The following WDR55 variants were observed in gnomAD, a reference collection of about 807,000 sequenced individuals.
WDR55 encodes WD repeat domain 55.
Under a neutral mutation model 34.0 loss-of-function variants are expected in WDR55, and 31 were observed. The observed-to-expected ratio is 0.91, with a 90% CI of 0.69 to 1.23. The LOEUF (loss-of-function observed/expected upper bound fraction) is 1.23. WDR55 is among the 50% of genes most tolerant of loss of function. WDR55 has a pLI of 0.00. For missense variants in WDR55, 440 were observed against 494.6 expected, an observed-to-expected ratio of 0.89 and a Z score of 1.05; for synonymous variants, 164 against 185.9, an observed-to-expected ratio of 0.88 and a Z score of 0.96.
chr5:140,666,497 T>C, intron 1 of WDR55: 2 of 385,534 alleles, frequency 5.2e-6, no homozygotes, highest in Non-Finnish European at 7.1e-6. Context: ...TTCCAGGATC[T>C]CTTCCCTCTT....
In WDR55 at chr5:140,671,204, G is replaced by A; in HGVS notation, c.*1550G>A. On this transcript the variant is annotated 3_prime_UTR_variant, in exon 7 of 7. Transcript: ENST00000358337. ...CCCATGCCCCTCCCCACCTTTGGGG[G>A]TCAGAAAGTGGCCACCCAGGCCTGC... 1 of 1,553,402 alleles carries A rather than the reference G, an allele frequency of 6.4e-7. No homozygotes were observed. Among genetic ancestry groups the A allele is most frequent in the Admixed American group, 1.7e-5 (1 of 59,482 alleles).
At position 140,669,904 on chromosome 5, in the gene WDR55, T is replaced by G; in HGVS notation, c.*250T>G. ...CTACCACACCAGGCCAATTTTTGTT[T>G]TTTTTTTTTGGTAGAAACGGGTCTG... On this transcript the variant is annotated 3_prime_UTR_variant, in exon 7 of 7. Transcript: ENST00000358337. 1 of 408,122 alleles carries G rather than the reference T, an allele frequency of 2.5e-6. No individual in the cohort carries two copies. 25.3% of individuals were successfully genotyped at this position (408,122 alleles called of 1,614,324 possible).
rs767938913 is a variant in WDR55 at position 140,665,114 on chromosome 5, G to A, written c.191+11G>A. On this transcript the variant is annotated intron_variant, in intron 1 of 6. Transcript: ENST00000358337. ...CGGGGACGTGTTCGTGTGAGAGCGG[G>A]GCAGGGCCGGGGCGCCGGGTCTGGA... 8 of 1,568,302 alleles carry A rather than the reference G, an allele frequency of 5.1e-6. No homozygotes were observed. In the South Asian group the frequency reaches 5.9e-5, roughly 12 times the overall value.
At position 140,671,559 on chromosome 5, in the gene WDR55, T is replaced by C. The variant is rs1758075351; in HGVS notation, c.*1905T>C. ...AGGAACACAGGGCTGCCCAGCTTCATTCGTTGGCACAGCAACTGCAGGGTA... is the reference window on the plus strand; with the variant it reads ...AGGAACACAGGGCTGCCCAGCTTCACTCGTTGGCACAGCAACTGCAGGGTA... On this transcript the variant is annotated 3_prime_UTR_variant, in exon 7 of 7. Transcript: ENST00000358337. 3 of 1,567,464 alleles carry C rather than the reference T, an allele frequency of 1.9e-6. No homozygotes were observed. Among genetic ancestry groups the C allele is most frequent in the Non-Finnish European group, 2.6e-6 (3 of 1,157,458 alleles).
rs1561987323 is a variant in WDR55, at chr5:140,668,224, C to T, written c.192-10C>T. On this transcript the variant is annotated splice_polypyrimidine_tract_variant and intron_variant, in intron 1 of 6. Transcript: ENST00000358337. ...TCTGGAGTCATTTACCCTCCTTGCC[C>T]TCTCCCCAGCTTTTCCTACTCTTGC... 1.3e-6 allele frequency: 2 copies of T among 1,590,652 alleles called. No homozygotes were observed. The highest frequency in any genetic ancestry group is 8.6e-7 in the Non-Finnish European group (1 of 1,167,584).
rs2149814605 is a variant in WDR55 at position 140,671,043 on chromosome 5, T to C, written c.*1389T>C. Reference sequence around the variant, plus strand: ...GTGGGGGTGGGACAAGGAACGGCCATGGAAGATCACTGGGTCAGGTTGGAC... The same window carrying C: ...GTGGGGGTGGGACAAGGAACGGCCACGGAAGATCACTGGGTCAGGTTGGAC... On this transcript the variant is annotated 3_prime_UTR_variant, in exon 7 of 7. Transcript: ENST00000358337. 1 of 584,038 alleles carries C rather than the reference T, an allele frequency of 1.7e-6. No individual in the cohort carries two copies. The allele number at this position is 584,038 out of a possible 1,614,324, so 36.2% of individuals were successfully genotyped here. A position where few individuals can be genotyped will look rare whatever the true frequency, so the allele number is the denominator to read the frequency against.
Position 140,671,135 on chromosome 5 carries a change from G to T in WDR55, c.*1481G>T. 2.2e-6 allele frequency: 2 copies of T among 908,540 alleles called. No individual in the cohort carries two copies. Among genetic ancestry groups the T allele is most frequent in the South Asian group, 3.2e-5 (2 of 63,324 alleles). The allele number at this position is 908,540 out of a possible 1,614,324, so 56.3% of individuals were successfully genotyped here. A position where few individuals can be genotyped will look rare whatever the true frequency, so the allele number is the denominator to read the frequency against. The stretch of plus-strand genomic sequence containing the variant: ...TAACCCAAACCTAAGCTGCCCCCAG[G>T]TGCCATAGGTCCCTGTCCCAGCAGG... On this transcript the variant is annotated 3_prime_UTR_variant, in exon 7 of 7. Transcript: ENST00000358337.
chr5:140,671,856 T>C lies in WDR55; in HGVS notation c.*2202T>C. 1 of 1,276,682 alleles carries C rather than the reference T, an allele frequency of 7.8e-7. No homozygotes were observed. Among genetic ancestry groups the C allele is most frequent in the Non-Finnish European group, 1.1e-6 (1 of 899,718 alleles). 79.1% of individuals were successfully genotyped at this position (1,276,682 alleles called of 1,614,324 possible). Reference sequence around the variant, plus strand: ...AGTCCTGTTATTTGTAGCCTTCCCATTTCCTGGTAGTGTGACCATGGGTAA... The same window carrying C: ...AGTCCTGTTATTTGTAGCCTTCCCACTTCCTGGTAGTGTGACCATGGGTAA... On this transcript the variant is annotated 3_prime_UTR_variant, in exon 7 of 7. Coordinates refer to ENST00000358337, the MANE Select transcript of WDR55 (RefSeq NM_017706.5).
chr5:140,669,729 A>G lies in WDR55; in HGVS notation c.*75A>G. On this transcript the variant is annotated 3_prime_UTR_variant, in exon 7 of 7. Transcript: ENST00000358337. Reference sequence around the variant, plus strand: ...TTATTGGGCTGCATCCCCAGAGAGGATATGAATTATTTTTTGAAAAGACAG... The same window carrying G: ...TTATTGGGCTGCATCCCCAGAGAGGGTATGAATTATTTTTTGAAAAGACAG... The G allele has an allele frequency of 7.1e-7, 1 of 1,403,382 alleles. No homozygotes were observed. Among genetic ancestry groups the G allele is most frequent in the Non-Finnish European group, 9.6e-7 (1 of 1,039,414 alleles). 86.9% of individuals were successfully genotyped at this position (1,403,382 alleles called of 1,614,324 possible).
intron 1 of WDR55, among the ~76,000 whole-genome samples, chr5:140,665,768 G>A (rs991553687): frequency 6.6e-6 from 1 of 151,942 alleles, no homozygotes; most frequent in Non-Finnish European, 1.5e-5. Context: ...TTGGGAGGCC[G>A]AGGTGGGCGG....
Position 140,665,060 on chromosome 5 carries a change from C to T in WDR55, c.148C>T (p.Arg50Cys), listed in dbSNP as rs34342435. 5,477 of 1,611,900 alleles carry T rather than the reference C, an allele frequency of 3.4e-3. 162 individuals carry two copies. In the African/African-American group the frequency reaches 0.064, roughly 19 times the overall value. The change falls in exon 1 of 7, where the codon CGT (arginine) becomes TGT (cysteine). Residue 50 changes from arginine to cysteine, a missense_variant. Arg to Cys is a radical substitution (Grantham distance 180, BLOSUM62 -3). Coordinates refer to ENST00000358337, the MANE Select transcript of WDR55 (RefSeq NM_017706.5). Reference sequence around the variant, plus strand: ...TAGTGGGCTGGCGTTCCATCCGGCCCGTGACCTACTGGCTGCAGGGGACGT... The same window carrying T: ...TAGTGGGCTGGCGTTCCATCCGGCCTGTGACCTACTGGCTGCAGGGGACGT... ...PASGLAFHPA[R>C]DLLAAGDVDG...
intron 1 of WDR55, chr5:140,666,722 TTGC>T: frequency 2.0e-6 from 2 of 985,428 alleles, no homozygotes; most frequent in Non-Finnish European, 2.4e-6. Flanking sequence ...TGTGATACAA[TTGC>T]TGATTTTATT....
intron 1 of WDR55, 45 bp downstream of exon 1, chr5:140,665,148 G>T: frequency 6.6e-7 from 1 of 1,520,364 alleles, no homozygotes; most frequent in African/African-American, 1.4e-5. Context: ...GAAGCTTCCC[G>T]GGGGTGGACC....
intron 1 of WDR55, among the ~76,000 whole-genome samples, chr5:140,665,816 CA>C (rs1757908696): frequency 6.6e-6 from 1 of 151,962 alleles, no homozygotes; most frequent in Admixed American, 6.6e-5. Context: ...GCCTGTTCAA[CA>C]TGGTGAAACC....
chr5:140,671,222 A>C lies in WDR55; in HGVS notation c.*1568A>C. The C allele has an allele frequency of 1.2e-6, 2 of 1,600,814 alleles. No individual in the cohort carries two copies. Among genetic ancestry groups the C allele is most frequent in the Non-Finnish European group, 1.7e-6 (2 of 1,170,624 alleles). On this transcript the variant is annotated 3_prime_UTR_variant, in exon 7 of 7. Coordinates refer to ENST00000358337, the MANE Select transcript of WDR55 (RefSeq NM_017706.5). ...TTTGGGGGTCAGAAAGTGGCCACCCAGGCCTGCTGGGATGGGGCCTGACAC... is the reference window on the plus strand; with the variant it reads ...TTTGGGGGTCAGAAAGTGGCCACCCCGGCCTGCTGGGATGGGGCCTGACAC...
intron 1 of WDR55, among the ~76,000 whole-genome samples, chr5:140,666,088 A>G (rs866181304): frequency 1.3e-5 from 2 of 151,610 alleles, no homozygotes; most frequent in African/African-American, 4.9e-5. Flanking sequence ...GTGCTCATTC[A>G]TCCATACCTT....
Position 140,669,233 on chromosome 5 carries a change from C to A in WDR55, c.815C>A (p.Thr272Asn). Residue 272 changes from threonine (T) to asparagine (N), a missense_variant, in exon 6 of 7, where the codon ACT (threonine) becomes AAT (asparagine). Physicochemically the swap from Thr to Asn is moderately conservative, Grantham distance 65 (BLOSUM62 0). Transcript: ENST00000358337. ...VTESLLCTGS[T>N]DGVIRAVNIL... The stretch of plus-strand genomic sequence containing the variant: ...GAGAGTCTGCTGTGTACTGGCTCCA[C>A]TGATGGAGTCATCAGGTGAGGGAAG... The A allele has an allele frequency of 2.5e-6, 4 of 1,613,648 alleles. No individual in the cohort carries two copies. The highest frequency in any genetic ancestry group is 3.4e-6 in the Non-Finnish European group (4 of 1,180,012).
In WDR55 at chr5:140,671,528, T is replaced by G; in HGVS notation, c.*1874T>G. ...GCCAGCAGGTCCTATGCCCAAACAC[T>G]TGGTGAGGAACACAGGGCTGCCCAG... On this transcript the variant is annotated 3_prime_UTR_variant, in exon 7 of 7. Coordinates refer to ENST00000358337, the MANE Select transcript of WDR55 (RefSeq NM_017706.5). 1.3e-6 allele frequency: 2 copies of G among 1,576,032 alleles called. No individual in the cohort carries two copies. The highest frequency in any genetic ancestry group is 1.7e-6 in the Non-Finnish European group (2 of 1,162,624).
Position 140,671,824 on chromosome 5 carries a change from GCTACACAGTCCT to G in WDR55, c.*2171_*2182del. ...GCCTCCAGGTGGTGAGCCCTTTGGA[GCTACACAGTCCT>G]GTTATTTGTAGCCTTCCCATTTCCT... On this transcript the variant is annotated 3_prime_UTR_variant, in exon 7 of 7. Transcript: ENST00000358337. 1 of 1,468,970 alleles carries G rather than the reference GCTACACAGTCCT, an allele frequency of 6.8e-7. No homozygotes were observed. The highest frequency in any genetic ancestry group is 9.3e-7 in the Non-Finnish European group (1 of 1,072,778). 91.0% of individuals were successfully genotyped at this position (1,468,970 alleles called of 1,614,324 possible). A position where few individuals can be genotyped will look rare whatever the true frequency, so the allele number is the denominator to read the frequency against.
Sources: allele counts gnomAD v4.1 joint callset (sites outside exome capture counted in the v4.1 genomes callset), GRCh38; gene constraint gnomAD v4.1.1; transcripts MANE v1.5; gene names NCBI Gene and HGNC (gene_info 2026-07-23, HGNC 2026-07-21).